The following COL4A1 variants were observed in gnomAD, a reference collection of about 807,000 sequenced individuals.
COL4A1 encodes collagen alpha-1(IV) chain.
COL4A1 carries 40 observed loss-of-function variants against 216.6 expected under a neutral mutation model. The observed-to-expected ratio is 0.18, with a 90% CI of 0.14 to 0.24. The LOEUF (loss-of-function observed/expected upper bound fraction) is 0.24, where lower values mean the gene tolerates loss of function less well. Among genes scored for constraint, COL4A1 ranks in the 10% least tolerant of loss-of-function variants. COL4A1 has a pLI of 1.00. For missense variants in COL4A1, 1,628 were observed against 2,196.8 expected (o/e 0.74, Z 5.18); for synonymous variants, 839 against 810.7 (o/e 1.03, Z -0.59).
chr13:110,152,606 A>C, intron 50 of COL4A1, 100 bp from the exon 51 acceptor site: 1 of 1,351,058 alleles, frequency 7.4e-7, no homozygotes, highest in Non-Finnish European at 1.0e-6. Context: ...TCCCTCTGGA[A>C]AGCCACACAC....
intron 2 of COL4A1, among the ~76,000 whole-genome samples, chr13:110,218,369 G>C (rs113099851): frequency 0.018 from 2,771 of 152,268 alleles, 78 homozygotes; most frequent in African/African-American, 0.057. Context: ...CGCACGGAAT[G>C]AGTACGGGTA....
At chr13:110,161,612 C>G (rs1321157029) in intron 48 of COL4A1, among the ~76,000 whole-genome samples, 2 of 152,230 alleles carry the variant, frequency 1.3e-5, no homozygotes, top group Non-Finnish European at 2.9e-5. Flanking sequence ...GTTCGTTATA[C>G]GATGGATAGT....
chr13:110,204,496 G>A (rs769676618), intron 17 of COL4A1, among the ~76,000 whole-genome samples: 10 of 151,924 alleles, frequency 6.6e-5, no homozygotes, highest in Non-Finnish European at 7.4e-5. Context: ...GGCCCTCCCC[G>A]CAGCTTTCCA....
chr13:110,251,878 C>T (rs547889635), intron 1 of COL4A1, among the ~76,000 whole-genome samples: 1 of 152,306 alleles, frequency 6.6e-6, no homozygotes, highest in African/African-American at 2.4e-5. Context: ...GTCTTCTCCG[C>T]CTTAATTCTC....
At chr13:110,219,695 TATATGTATATAC>T (rs1429457717) in intron 2 of COL4A1, among the ~76,000 whole-genome samples, 1 of 141,386 alleles carries the variant, frequency 7.1e-6, no homozygotes, top group Admixed American at 7.3e-5. Flanking sequence ...TATATGTATA[TATATGTATATAC>T]ATATGTGTAT....
In COL4A1 at chr13:110,178,766, C is replaced by T. The variant is rs1206931332; in HGVS notation, c.2458+157G>A. Among the ~76,000 whole-genome samples, 5 of 152,360 alleles carry T rather than the reference C, an allele frequency of 3.3e-5. No individual in the cohort carries two copies. The East Asian group carries it at 9.6e-4, about 29-fold the overall frequency. The stretch of plus-strand genomic sequence containing the variant: ...GAATCTGGGACTACATTTAAGCAAA[C>T]AATCAAACCTATTTTCACAAACTCG... On this transcript the variant is annotated intron_variant, in intron 31 of 51. Coordinates refer to ENST00000375820, the MANE Select transcript of COL4A1 (RefSeq NM_001845.6).
At chr13:110,234,801 T>C (rs1455790183) in intron 2 of COL4A1, among the ~76,000 whole-genome samples, 1 of 152,048 alleles carries the variant, frequency 6.6e-6, no homozygotes, top group Non-Finnish European at 1.5e-5. Context: ...GAAACATCTG[T>C]TGACATCCTA....
chr13:110,227,387 G>GACACACACACACACACACACAC (rs373355054), intron 2 of COL4A1, among the ~76,000 whole-genome samples: 1 of 138,676 alleles, frequency 7.2e-6, no homozygotes, highest in Non-Finnish European at 1.5e-5. Context: ...GGGTACGGTA[G>GACACACACACACACACACACAC]ACACACACAC....
At chr13:110,178,039 A>G in intron 32 of COL4A1, 25 bp downstream of exon 32, 2 of 1,614,198 alleles carry the variant, frequency 1.2e-6, no homozygotes, top group Non-Finnish European at 1.7e-6. Flanking sequence ...TGATGGATCC[A>G]GGCAGAAGTT....
intron 2 of COL4A1, among the ~76,000 whole-genome samples, chr13:110,219,940 G>GTATATATA (rs1332400015): frequency 2.0e-5 from 2 of 98,650 alleles, no homozygotes; most frequent in African/African-American, 4.0e-5. Flanking sequence ...GTATATGTGT[G>GTATATATA]TGTATATATA....
At chr13:110,285,683 C>A (rs545915831) in intron 1 of COL4A1, among the ~76,000 whole-genome samples, 419 of 152,174 alleles carry the variant, frequency 2.8e-3, no homozygotes, top group African/African-American at 9.7e-3. Context: ...TGAACAAAAC[C>A]AAAAAGCAGA....
rs1167152757 is a variant in COL4A1, at chr13:110,219,862, ATG to A, written c.145-5849_145-5848del. Among the ~76,000 whole-genome samples the A allele has an allele frequency of 4.2e-3, 417 of 98,878 alleles. 40 individuals carry two copies. Among genetic ancestry groups the A allele is most frequent in the South Asian group, 7.7e-3 (25 of 3,248 alleles). The allele number at this position is 98,878 out of a possible 152,430, so 64.9% of individuals were successfully genotyped here. On this transcript the variant is annotated intron_variant, in intron 2 of 51. Coordinates refer to ENST00000375820, the MANE Select transcript of COL4A1 (RefSeq NM_001845.6). The stretch of plus-strand genomic sequence containing the variant: ...TATATATGTGTATATATATGTATAT[ATG>A]TGTGTGTATATATGTATATATATGT...
intron 24 of COL4A1, among the ~76,000 whole-genome samples, chr13:110,190,226 C>G (rs899317143): frequency 8.5e-5 from 13 of 152,112 alleles, no homozygotes; most frequent in Non-Finnish European, 1.6e-4. Flanking sequence ...TGCCACAGAA[C>G]TTCTTGATTC....
intron 2 of COL4A1, among the ~76,000 whole-genome samples, chr13:110,230,898 G>A (rs1881024665): frequency 6.6e-6 from 1 of 152,198 alleles, no homozygotes; most frequent in African/African-American, 2.4e-5. Context: ...GCAGGACAGG[G>A]CACACCCGTT....
intron 24 of COL4A1, among the ~76,000 whole-genome samples, chr13:110,189,133 G>A (rs918154986): frequency 6.6e-6 from 1 of 152,114 alleles, no homozygotes; most frequent in East Asian, 1.9e-4. Context: ...GCGCCATCTC[G>A]GCTCACCGCA....
Position 110,209,324 on chromosome 13 carries a change from T to C in COL4A1, c.651+68A>G, listed in dbSNP as rs7333204. On this transcript the variant is annotated intron_variant, in intron 11 of 51. Coordinates refer to ENST00000375820, the MANE Select transcript of COL4A1 (RefSeq NM_001845.6). The stretch of plus-strand genomic sequence containing the variant: ...TTAGAGACTGAAAGAATAAGAAGAG[T>C]GAGCTATAGCAATTTCATGATAGCC... The C allele has an allele frequency of 0.25, 351,052 of 1,379,242 alleles. 47,565 individuals carry two copies. Among genetic ancestry groups the C allele is most frequent in the Admixed American group, 0.32 (17,261 of 53,282 alleles). The allele number at this position is 1,379,242 out of a possible 1,614,324, so 85.4% of individuals were successfully genotyped here.
At chr13:110,176,333 G>A (rs541652573) in intron 36 of COL4A1, 91 bp downstream of exon 36, 38 of 884,130 alleles carry the variant, frequency 4.3e-5, no homozygotes, top group East Asian at 1.9e-4. Flanking sequence ...GATTCTGTCC[G>A]TCTCAGCTGA....
chr13:110,215,311 G>A (rs973365989), intron 2 of COL4A1, among the ~76,000 whole-genome samples: 26 of 152,088 alleles, frequency 1.7e-4, no homozygotes, highest in African/African-American at 5.8e-4. Context: ...TGTAATCCCA[G>A]CACTTTGGGA....
intron 1 of COL4A1, among the ~76,000 whole-genome samples, chr13:110,254,112 C>G (rs931011735): frequency 3.3e-5 from 5 of 152,180 alleles, no homozygotes; most frequent in African/African-American, 4.8e-5. Flanking sequence ...GAACTCCCAA[C>G]TGGGTCTAGG....
Sources: gnomAD v4.1 joint callset for allele counts (sites outside exome capture counted in the v4.1 genomes callset) on GRCh38, gnomAD v4.1.1 for gene constraint, MANE v1.5 for transcripts, NCBI Gene and HGNC (gene_info 2026-07-23, HGNC 2026-07-21) for gene names.